The following PHACTR3 variants were observed in gnomAD, a reference collection of about 807,000 sequenced individuals.
The protein encoded by PHACTR3 is phosphatase and actin regulator 3, also known as protein phosphatase 1, regulatory subunit 123.
In PHACTR3, 16 loss-of-function variants were observed where a neutral mutation model predicts 66.8. That is an observed-to-expected ratio of 0.24 (90% CI 0.16 to 0.36). PHACTR3 has a LOEUF of 0.36. Among genes scored for constraint, PHACTR3 ranks in the 10% least tolerant of loss-of-function variants. The probability of loss-of-function intolerance (pLI) is 1.00; values close to 1 mark genes in which losing one functional copy is unlikely to be tolerated. For synonymous variants in PHACTR3, 323 were observed against 292.1 expected (o/e 1.11, Z -1.08); for missense variants, 647 against 719.9 (o/e 0.90, Z 1.16).
intron 3 of PHACTR3, among the ~76,000 whole-genome samples, chr20:59,752,880 C>T (rs541268207): frequency 7.9e-5 from 12 of 152,302 alleles, no homozygotes; most frequent in East Asian, 1.9e-4. Flanking sequence ...TGCTCCCCTA[C>T]GCCAGCTCTC....
chr20:59,797,797 C>T (rs1239337751), intron 7 of PHACTR3, among the ~76,000 whole-genome samples: 2 of 151,974 alleles, frequency 1.3e-5, no homozygotes, highest in African/African-American at 2.4e-5. Context: ...GAGCGATAAA[C>T]TAATCTTGCC....
chr20:59,611,992 T>C (rs1448864478), intron 1 of PHACTR3, among the ~76,000 whole-genome samples: 1 of 152,204 alleles, frequency 6.6e-6, no homozygotes, highest in Non-Finnish European at 1.5e-5. Context: ...TGAGCCTTGT[T>C]AATGCTAGTC....
intron 1 of PHACTR3, among the ~76,000 whole-genome samples, chr20:59,608,533 C>T (rs2033740831): frequency 6.6e-6 from 1 of 152,208 alleles, no homozygotes; most frequent in Non-Finnish European, 1.5e-5. Context: ...AGGCTTCTGC[C>T]CGCTCCACAT....
At chr20:59,775,395 G>C (rs1601327971) in intron 7 of PHACTR3, among the ~76,000 whole-genome samples, 1 of 152,192 alleles carries the variant, frequency 6.6e-6, no homozygotes, top group South Asian at 2.1e-4. Context: ...CTGGGTGTCT[G>C]TGGGGAGCAG....
intron 1 of PHACTR3, among the ~76,000 whole-genome samples, chr20:59,721,997 G>A (rs1166471767): frequency 2.6e-5 from 4 of 152,120 alleles, no homozygotes; most frequent in Admixed American, 6.5e-5. Context: ...TTGGGAGGCC[G>A]ATGCAGGCAG....
At chr20:59,739,553 G>A (rs1001584332) in intron 1 of PHACTR3, among the ~76,000 whole-genome samples, 2 of 152,142 alleles carry the variant, frequency 1.3e-5, no homozygotes, top group African/African-American at 4.8e-5. Context: ...GCAGGGCGAA[G>A]GGGGAGGAGC....
intron 1 of PHACTR3, among the ~76,000 whole-genome samples, chr20:59,640,684 G>T (rs75962953): frequency 2.6e-5 from 4 of 152,196 alleles, no homozygotes; most frequent in Admixed American, 6.5e-5. Flanking sequence ...CAACCATGGG[G>T]AGAACCTAAG....
chr20:59,651,666 G>T (rs889592212), intron 1 of PHACTR3, among the ~76,000 whole-genome samples: 9 of 152,178 alleles, frequency 5.9e-5, no homozygotes, highest in African/African-American at 1.9e-4. Context: ...ACGAAGAGTG[G>T]ACTGGCTGGA....
At chr20:59,604,058 G>GCC (rs571283495), upstream of PHACTR3, 1 of 143,962 alleles carries the variant, frequency 6.9e-6, no homozygotes, top group African/African-American at 2.5e-5. Context: ...CCTCTCCCCC[G>GCC]CCCCCCCGCC....
intron 7 of PHACTR3, among the ~76,000 whole-genome samples, chr20:59,803,679 A>G (rs908726501): frequency 6.6e-6 from 1 of 152,320 alleles, no homozygotes; most frequent in East Asian, 1.9e-4. Context: ...CAATATTCAG[A>G]TGGAACAGAT....
chr20:59,731,853 G>A (rs1362596487), intron 1 of PHACTR3, among the ~76,000 whole-genome samples: 1 of 152,136 alleles, frequency 6.6e-6, no homozygotes, highest in African/African-American at 2.4e-5. Flanking sequence ...AGAGAATCTT[G>A]TTATCTTTGG....
intron 1 of PHACTR3, among the ~76,000 whole-genome samples, chr20:59,686,584 A>G (rs1216308220): frequency 1.3e-5 from 2 of 148,560 alleles, no homozygotes; most frequent in Non-Finnish European, 3.0e-5. Context: ...GATGATTGTG[A>G]TGATGATGGT....
chr20:59,672,202 G>A (rs1000601913), intron 1 of PHACTR3, among the ~76,000 whole-genome samples: 6 of 152,172 alleles, frequency 3.9e-5, no homozygotes, highest in South Asian at 2.1e-4. Context: ...TGCCCAGGAC[G>A]GCCCCCGCCA....
chr20:59,722,715 A>G (rs1347608779), intron 1 of PHACTR3, among the ~76,000 whole-genome samples: 4 of 152,080 alleles, frequency 2.6e-5, no homozygotes, highest in Non-Finnish European at 4.4e-5. Flanking sequence ...TGCATGCCAC[A>G]CATGATGGGG....
intron 1 of PHACTR3, among the ~76,000 whole-genome samples, chr20:59,629,585 G>C (rs2034590416): frequency 6.6e-6 from 1 of 152,164 alleles, no homozygotes; most frequent in Admixed American, 6.5e-5. Flanking sequence ...CTTCTCCCTG[G>C]TTCTCTTCAC....
intron 1 of PHACTR3, among the ~76,000 whole-genome samples, chr20:59,671,793 G>A (rs2036203726): frequency 6.6e-6 from 1 of 152,242 alleles, no homozygotes; most frequent in South Asian, 2.1e-4. Flanking sequence ...CGTGGCTGCT[G>A]CCTGCTCCAG....
chr20:59,776,201 C>T lies in PHACTR3; in HGVS notation c.1174+1711C>T, dbSNP rs112551831. Among the ~76,000 whole-genome samples the T allele has an allele frequency of 1.9e-3, 290 of 152,242 alleles. 4 individuals carry two copies. The highest frequency in any genetic ancestry group is 6.6e-3 in the African/African-American group (273 of 41,542). ...CCCCTTACCGGGTGTTTCTTGTGTC[C>T]GGGATGCTGGTCTAAGGTTGTGACA... On this transcript the variant is annotated intron_variant, in intron 7 of 12. Transcript: ENST00000371015.
Position 59,763,196 on chromosome 20 carries a change from C to G in PHACTR3, c.542-3990C>G, listed in dbSNP as rs562888643. On this transcript the variant is annotated intron_variant, in intron 4 of 12. Transcript: ENST00000371015. ...TGATGGTTTTATAAGAGACTCTTCC[C>G]CCTTCACTTGGTACATGTCCTTCCT... 9.2e-5 allele frequency among the ~76,000 whole-genome samples: 14 copies of G among 152,292 alleles called. No individual in the cohort carries two copies. In the South Asian group the frequency reaches 2.7e-3, roughly 29 times the overall value.
At chr20:59,747,165 G>T (rs2039401263) in intron 2 of PHACTR3, among the ~76,000 whole-genome samples, 1 of 152,232 alleles carries the variant, frequency 6.6e-6, no homozygotes, top group Non-Finnish European at 1.5e-5. Flanking sequence ...AGGCGGAATT[G>T]ACAAAGATTT....
Sources: allele counts gnomAD v4.1 joint callset (sites outside exome capture counted in the v4.1 genomes callset), GRCh38; gene constraint gnomAD v4.1.1; transcripts MANE v1.5; gene names NCBI Gene and HGNC (gene_info 2026-07-23, HGNC 2026-07-21).